Variants in PSMA7 observed in about 807,000 individuals in gnomAD.
PSMA7 encodes proteasome 20S subunit alpha 7.
PSMA7 carries 5 observed loss-of-function variants against 31.3 expected under a neutral mutation model. That is an observed-to-expected ratio of 0.16 (90% confidence interval 0.08 to 0.34). The LOEUF is 0.34. Among genes scored for constraint, PSMA7 ranks in the 10% least tolerant of loss-of-function variants. The probability of loss-of-function intolerance (pLI) is 1.00; values close to 1 mark genes in which losing one functional copy is unlikely to be tolerated. For missense variants in PSMA7, 217 were observed against 327.5 expected (o/e 0.66, Z 2.60); for synonymous variants, 155 against 121.9 (o/e 1.27, Z -1.79).
chr20:62,138,352 A>G, intron 4 of PSMA7, 62 bp from the exon 5 acceptor site: 2 of 1,537,024 alleles, frequency 1.3e-6, no homozygotes, highest in Non-Finnish European at 1.8e-6. Flanking sequence ...CCAGCCCTGG[A>G]ACACAGCTGC....
intron 4 of PSMA7, 142 bp from the exon 5 acceptor site, chr20:62,138,432 A>G (rs1185965973): frequency 2.8e-6 from 3 of 1,090,876 alleles, no homozygotes; most frequent in African/African-American, 1.6e-5. Context: ...AGCTGTGGAC[A>G]CAGGCCCTGC....
chr20:62,139,440 G>A (rs757365516), intron 3 of PSMA7: 57 of 647,074 alleles, frequency 8.8e-5, no homozygotes, highest in Non-Finnish European at 1.3e-4. Flanking sequence ...TTGACAGGTA[G>A]ACACACATTC....
intron 4 of PSMA7, among the ~76,000 whole-genome samples, 160 bp downstream of exon 4, chr20:62,138,915 A>G (rs2056910942): frequency 1.3e-5 from 2 of 152,202 alleles, no homozygotes; most frequent in African/African-American, 2.4e-5. Flanking sequence ...ATTTTCTTCC[A>G]AACAGCAATG....
chr20:62,138,062 A>C, intron 5 of PSMA7, 109 bp downstream of exon 5: 1 of 1,416,884 alleles, frequency 7.1e-7, no homozygotes, highest in Non-Finnish European at 9.9e-7. Context: ...GCAGTCATTA[A>C]GCATTACTGC....
At chr20:62,138,409 A>C in intron 4 of PSMA7, 119 bp from the exon 5 acceptor site, 1 of 1,321,180 alleles carries the variant, frequency 7.6e-7, no homozygotes, top group Non-Finnish European at 1.0e-6. Flanking sequence ...GGCAAGCTGG[A>C]GTGCTGGACA....
chr20:62,139,598 C>T, intron 3 of PSMA7, 183 bp downstream of exon 3: 1 of 974,534 alleles, frequency 1.0e-6, no homozygotes, highest in Non-Finnish European at 1.6e-6. Flanking sequence ...GAACTGAGAA[C>T]AGAACAATGT....
At chr20:62,138,358 G>C in intron 4 of PSMA7, 68 bp from the exon 5 acceptor site, 1 of 1,529,432 alleles carries the variant, frequency 6.5e-7, no homozygotes. Context: ...CTGGAACACA[G>C]CTGCCCTACA....
intron 2 of PSMA7, among the ~76,000 whole-genome samples, chr20:62,140,614 T>A (rs1002570669): frequency 2.7e-5 from 1 of 37,158 alleles, no homozygotes; most frequent in Non-Finnish European, 5.5e-5. Context: ...TTCATCCATT[T>A]AGCCATTTGT....
Position 62,137,446 on chromosome 20 carries a change from G to A in PSMA7, c.592-20C>T, listed in dbSNP as rs764069840. The A allele has an allele frequency of 1.4e-5, 23 of 1,613,022 alleles. No individual in the cohort carries two copies. Among genetic ancestry groups the A allele is most frequent in the Non-Finnish European group, 1.7e-5 (20 of 1,179,182 alleles). ...AACCACCTTGAAGGGACAGAAGACA[G>A]GAGCATTAACCACCTTTCCCTATTC... On this transcript the variant is annotated intron_variant, in intron 5 of 6. Coordinates refer to ENST00000370873, the MANE Select transcript of PSMA7 (RefSeq NM_002792.4).
In PSMA7 at chr20:62,143,339, C is replaced by G; in HGVS notation, c.-36G>C. 1 of 1,320,724 alleles carries G rather than the reference C, an allele frequency of 7.6e-7. No homozygotes were observed. 81.8% of individuals were successfully genotyped at this position (1,320,724 alleles called of 1,614,324 possible). On this transcript the variant is annotated 5_prime_UTR_variant, in exon 1 of 7. Transcript: ENST00000370873. ...GGCGGCCGGGCTCCTTCCGCCGCGA[C>G]TCTCAAAAGCGCACACTCACGGCCC... is the stretch of plus-strand genomic sequence containing the variant.
intron 2 of PSMA7, 105 bp from the exon 3 acceptor site, chr20:62,140,010 G>A (rs1434146752): frequency 6.4e-6 from 9 of 1,401,152 alleles, no homozygotes; most frequent in Middle Eastern, 2.6e-4. Context: ...CCCCCAAACC[G>A]GCAGCAAGGC....
chr20:62,143,181 G>C (rs2056950918), intron 1 of PSMA7, 27 bp downstream of exon 1: 1 of 1,341,574 alleles, frequency 7.5e-7, no homozygotes. Context: ...CCGCGTCCCC[G>C]GCCCCGCGCA....
intron 5 of PSMA7, 21 bp downstream of exon 5, chr20:62,138,150 G>A (rs2056906120): frequency 3.1e-6 from 5 of 1,613,944 alleles, no homozygotes; most frequent in South Asian, 1.1e-5. Flanking sequence ...CACCTTGCCT[G>A]GATTCCAAAT....
Position 62,137,289 on chromosome 20 carries a change from C to T in PSMA7, c.654+75G>A, listed in dbSNP as rs185392414. On this transcript the variant is annotated intron_variant, in intron 6 of 6. Coordinates refer to ENST00000370873, the MANE Select transcript of PSMA7 (RefSeq NM_002792.4). ...CAGAATGGCCCTATGATGTTTCCTT[C>T]GGAACTGGTACTGCTCAGCCCTGAT... 17 of 1,455,470 alleles carry T rather than the reference C, an allele frequency of 1.2e-5. No homozygotes were observed. The East Asian group carries it at 1.6e-4, about 14-fold the overall frequency. 90.2% of individuals were successfully genotyped at this position (1,455,470 alleles called of 1,614,324 possible).
In PSMA7 at chr20:62,143,151, C is replaced by A. The variant is rs1410927884; in HGVS notation, c.96+57G>T. On this transcript the variant is annotated intron_variant, in intron 1 of 6. Coordinates refer to ENST00000370873, the MANE Select transcript of PSMA7 (RefSeq NM_002792.4). ...GCGCCCGGCCCCGGCCCTCTCTGGGCTCCCCAGCCCCACTTCCGCCCGCGT... is the reference window on the plus strand; with the variant it reads ...GCGCCCGGCCCCGGCCCTCTCTGGGATCCCCAGCCCCACTTCCGCCCGCGT... 5 of 1,176,130 alleles carry A rather than the reference C, an allele frequency of 4.3e-6. No homozygotes were observed. The Admixed American group carries it at 1.2e-4, about 28-fold the overall frequency. The allele number at this position is 1,176,130 out of a possible 1,614,324, so 72.9% of individuals were successfully genotyped here.
At chr20:62,141,264 C>G (rs979588507) in intron 1 of PSMA7, among the ~76,000 whole-genome samples, 1 of 152,202 alleles carries the variant, frequency 6.6e-6, no homozygotes, top group Admixed American at 6.5e-5. Flanking sequence ...CTCACCCCAC[C>G]CTATCCTCCC....
chr20:62,140,157 A>G (rs756557921), intron 2 of PSMA7, among the ~76,000 whole-genome samples: 6 of 152,182 alleles, frequency 3.9e-5, no homozygotes, highest in Non-Finnish European at 7.3e-5. Context: ...CTGAAAATGC[A>G]TTTACTACCC....
intron 3 of PSMA7, chr20:62,139,520 A>C (rs981737711): frequency 2.9e-6 from 2 of 700,500 alleles, no homozygotes; most frequent in African/African-American, 3.6e-5. Flanking sequence ...GTGACTGGTC[A>C]CTCAGGATGG....
chr20:62,138,167 T>G lies in PSMA7; in HGVS notation c.591+4A>C, dbSNP rs1361287266. The G allele has an allele frequency of 6.2e-7, 1 of 1,614,194 alleles. No individual in the cohort carries two copies. Among genetic ancestry groups the G allele is most frequent in the Non-Finnish European group, 8.5e-7 (1 of 1,180,000 alleles). On this transcript the variant is annotated splice_donor_region_variant and intron_variant, in intron 5 of 6. Transcript: ENST00000370873. Reference sequence around the variant, plus strand: ...CCTTGCCTGGATTCCAAATGCAAACTTACTTCCAGGAGTGCCTTGATCACC... The same window carrying G: ...CCTTGCCTGGATTCCAAATGCAAACGTACTTCCAGGAGTGCCTTGATCACC...
Sources: allele counts gnomAD v4.1 joint callset (sites outside exome capture counted in the v4.1 genomes callset), GRCh38; gene constraint gnomAD v4.1.1; transcripts MANE v1.5; gene names NCBI Gene and HGNC (gene_info 2026-07-23, HGNC 2026-07-21).